The following TRAPPC9 variants were observed in gnomAD, a reference collection of about 807,000 sequenced individuals.
The protein encoded by TRAPPC9 is IKK2 binding protein.
TRAPPC9 carries 83 observed loss-of-function variants against 124.0 expected under a neutral mutation model. The observed-to-expected ratio is 0.67, with a 90% CI of 0.56 to 0.80. TRAPPC9 has a LOEUF of 0.80. TRAPPC9 is among the 30% of genes least tolerant of loss of function. The probability of loss-of-function intolerance (pLI) is 0.00; values close to 1 mark genes in which losing one functional copy is unlikely to be tolerated. For synonymous variants in TRAPPC9, 638 were observed against 617.5 expected, an observed-to-expected ratio of 1.03 and a Z score of -0.49; for missense variants, 1,302 against 1,508.3, an observed-to-expected ratio of 0.86 and a Z score of 2.27.
At chr8:139,741,855 C>T (rs551498898) in intron 21 of TRAPPC9, among the ~76,000 whole-genome samples, 6 of 152,156 alleles carry the variant, frequency 3.9e-5, no homozygotes, top group South Asian at 2.1e-4. Flanking sequence ...GTCAGTGCTG[C>T]GTTCTTTCTC....
intron 17 of TRAPPC9, among the ~76,000 whole-genome samples, chr8:140,083,160 T>C (rs1843948685): frequency 6.6e-6 from 1 of 151,636 alleles, no homozygotes; most frequent in South Asian, 2.1e-4. Flanking sequence ...GCCACTGCAC[T>C]CCAGCCTGGG....
intron 7 of TRAPPC9, among the ~76,000 whole-genome samples, chr8:140,386,591 T>C (rs891504677): frequency 6.6e-6 from 1 of 152,068 alleles, no homozygotes; most frequent in African/African-American, 2.4e-5. Context: ...ATAAAATACC[T>C]AGGAATCCAA....
chr8:139,860,063 G>C (rs1828031318), intron 21 of TRAPPC9, among the ~76,000 whole-genome samples: 1 of 152,234 alleles, frequency 6.6e-6, no homozygotes, highest in Non-Finnish European at 1.5e-5. Flanking sequence ...TGTGAGAACA[G>C]GTCATCTTTT....
At chr8:139,860,136 G>C (rs1828035304) in intron 21 of TRAPPC9, among the ~76,000 whole-genome samples, 1 of 152,174 alleles carries the variant, frequency 6.6e-6, no homozygotes, top group African/African-American at 2.4e-5. Context: ...GATGTTTGTG[G>C]AGTGAATAAA....
In TRAPPC9 at chr8:139,763,657, C is replaced by A. The variant is rs868355547; in HGVS notation, c.3056-31455G>T. Among the ~76,000 whole-genome samples the A allele has an allele frequency of 2.6e-5, 4 of 152,098 alleles. No individual in the cohort carries two copies. The Middle Eastern group carries it at 0.01, about 388-fold the overall frequency. On this transcript the variant is annotated intron_variant, in intron 21 of 22. Coordinates refer to ENST00000438773, the MANE Select transcript of TRAPPC9 (RefSeq NM_001160372.4). ...GCACACATGTGCACACAGGCACATG[C>A]ACACACATGCACGCACGCGTGCACA...
At chr8:140,057,424 G>A (rs763311210) in intron 17 of TRAPPC9, among the ~76,000 whole-genome samples, 1 of 152,204 alleles carries the variant, frequency 6.6e-6, no homozygotes, top group Non-Finnish European at 1.5e-5. Flanking sequence ...TATCCAAGAG[G>A]TAGAAACAAC....
intron 17 of TRAPPC9, among the ~76,000 whole-genome samples, chr8:140,172,829 G>A (rs181496544): frequency 1.2e-4 from 18 of 152,264 alleles, no homozygotes; most frequent in South Asian, 2.1e-4. Context: ...ACTGTGATTC[G>A]GTGAGATTCC....
At chr8:139,974,829 T>A (rs1050535554) in intron 19 of TRAPPC9, among the ~76,000 whole-genome samples, 9 of 151,888 alleles carry the variant, frequency 5.9e-5, no homozygotes, top group Non-Finnish European at 1.0e-4. Flanking sequence ...GTTTCCGTGG[T>A]CTTCCACTCC....
intron 17 of TRAPPC9, among the ~76,000 whole-genome samples, chr8:140,202,410 A>C (rs1201877919): frequency 6.6e-6 from 1 of 152,160 alleles, no homozygotes; most frequent in East Asian, 1.9e-4. Flanking sequence ...TGAAATTAGA[A>C]AGTAAAGGGG....
chr8:139,975,979 C>T (rs1836428789), intron 19 of TRAPPC9, among the ~76,000 whole-genome samples: 1 of 149,150 alleles, frequency 6.7e-6, no homozygotes, highest in Non-Finnish European at 1.5e-5. Context: ...AGGCTTCACC[C>T]CCCCGGGGTT....
At chr8:140,349,294 C>G (rs1342853800) in intron 9 of TRAPPC9, among the ~76,000 whole-genome samples, 1 of 132,328 alleles carries the variant, frequency 7.6e-6, no homozygotes, top group Non-Finnish European at 1.6e-5. Flanking sequence ...GAAGGGCACA[C>G]CAGGGGGCTG....
chr8:140,180,149 T>C (rs1360194260), intron 17 of TRAPPC9, among the ~76,000 whole-genome samples: 1 of 151,720 alleles, frequency 6.6e-6, no homozygotes, highest in Non-Finnish European at 1.5e-5. Context: ...TTTCTCTTCT[T>C]TTCCTCCCTT....
chr8:139,784,177 T>C (rs11166927), intron 21 of TRAPPC9, among the ~76,000 whole-genome samples: 59,945 of 152,124 alleles, frequency 0.39, 13,688 homozygotes, highest in Non-Finnish European at 0.52. Flanking sequence ...GAATTAAAAT[T>C]GTCTTTATCC....
At chr8:140,053,593 T>G (rs1449684561) in intron 17 of TRAPPC9, among the ~76,000 whole-genome samples, 1 of 151,866 alleles carries the variant, frequency 6.6e-6, no homozygotes, top group Non-Finnish European at 1.5e-5. Flanking sequence ...TATAGTGTTG[T>G]TCAAGTCAAC....
At chr8:139,815,146 A>G (rs1052828245) in intron 21 of TRAPPC9, among the ~76,000 whole-genome samples, 3 of 152,256 alleles carry the variant, frequency 2.0e-5, no homozygotes, top group Admixed American at 6.5e-5. Flanking sequence ...CATCTGTATC[A>G]GTCAATTGAG....
chr8:139,881,225 T>C (rs1008181812), intron 21 of TRAPPC9: 1 of 152,214 alleles, frequency 6.6e-6, no homozygotes, highest in Non-Finnish European at 1.5e-5. Context: ...GCAGCTGGAC[T>C]ACCCCTCCCT....
At chr8:140,135,837 C>T (rs1466139059) in intron 17 of TRAPPC9, among the ~76,000 whole-genome samples, 1 of 152,212 alleles carries the variant, frequency 6.6e-6, no homozygotes, top group South Asian at 2.1e-4. Flanking sequence ...GTAGCAGTCG[C>T]TGTGCTCTGA....
At chr8:140,366,854 T>C (rs1031396772) in intron 8 of TRAPPC9, among the ~76,000 whole-genome samples, 9 of 152,080 alleles carry the variant, frequency 5.9e-5, no homozygotes, top group African/African-American at 1.9e-4. Flanking sequence ...ATCCAAATCA[T>C]AGAAAAAACT....
intron 9 of TRAPPC9, among the ~76,000 whole-genome samples, chr8:140,313,120 A>G (rs887191502): frequency 1.3e-5 from 2 of 152,198 alleles, no homozygotes; most frequent in Admixed American, 6.5e-5. Context: ...ACTTTTGAAT[A>G]CAACACAACA....
Sources: gnomAD v4.1 joint callset for allele counts (sites outside exome capture counted in the v4.1 genomes callset) on GRCh38, gnomAD v4.1.1 for gene constraint, MANE v1.5 for transcripts, NCBI Gene and HGNC (gene_info 2026-07-23, HGNC 2026-07-21) for gene names.